Variants in CORO2B observed in about 807,000 individuals in gnomAD.
The protein encoded by CORO2B is coronin 2B.
In CORO2B, 26 loss-of-function variants were observed where a neutral mutation model predicts 58.8. That is an observed-to-expected ratio of 0.44 (90% CI 0.32 to 0.61). CORO2B has a LOEUF of 0.61. CORO2B is among the 20% of genes least tolerant of loss of function. CORO2B has a pLI of 0.04. For synonymous variants in CORO2B, 242 were observed against 253.8 expected, an observed-to-expected ratio of 0.95 and a Z score of 0.44; for missense variants, 460 against 645.1, an observed-to-expected ratio of 0.71 and a Z score of 3.11.
intron 11 of CORO2B, among the ~76,000 whole-genome samples, chr15:68,724,211 C>CAAAT (rs765619228): frequency 6.6e-6 from 1 of 152,026 alleles, no homozygotes; most frequent in African/African-American, 2.4e-5. Context: ...CAAAAACAAA[C>CAAAT]AAATAAATAA....
At chr15:68,531,558 A>AAGAAAGAAAGAGAG in the CORO2B span, among the ~76,000 whole-genome samples, 1 of 133,242 alleles carries the variant, frequency 7.5e-6, no homozygotes, top group South Asian at 2.4e-4. Flanking sequence ...GAAGGAAGGA[A>AAGAAAGAAAGAGAG]AGAAAGAGAA....
the CORO2B span, among the ~76,000 whole-genome samples, chr15:68,555,339 G>A: frequency 6.6e-6 from 1 of 152,180 alleles, no homozygotes; most frequent in Non-Finnish European, 1.5e-5. Context: ...CTCCAGTCCA[G>A]GTCTCTTCTT....
chr15:68,612,104 G>A (rs117034698), intron 1 of CORO2B, among the ~76,000 whole-genome samples: 2,607 of 152,282 alleles, frequency 0.017, 36 homozygotes, highest in South Asian at 0.033. Flanking sequence ...ATCCCTGAAC[G>A]AGAAATGTGT....
At chr15:68,687,275 G>A (rs1164680548) in intron 2 of CORO2B, among the ~76,000 whole-genome samples, 1 of 152,244 alleles carries the variant, frequency 6.6e-6, no homozygotes, top group Non-Finnish European at 1.5e-5. Context: ...CTCCTGCTCA[G>A]TCTGTTCTTT....
intron 2 of CORO2B, among the ~76,000 whole-genome samples, chr15:68,694,083 G>A (rs532281672): frequency 3.5e-4 from 53 of 152,216 alleles, no homozygotes; most frequent in African/African-American, 1.2e-3. Flanking sequence ...TGATCTGCCC[G>A]CCTTGGCCTC....
In CORO2B at chr15:68,725,915, C is replaced by T. The variant is rs566501865; in HGVS notation, c.1384C>T (p.Arg462Cys). 5.0e-5 allele frequency: 80 copies of T among 1,614,060 alleles called. No individual in the cohort carries two copies. In the East Asian group the frequency reaches 8.9e-4, roughly 18 times the overall value. Reference sequence around the variant, plus strand: ...AGAGGAGCTGGCCCAGAAGGACATCCGCATTCGGCAGCTCCAGCTGGAACT... The same window carrying T: ...AGAGGAGCTGGCCCAGAAGGACATCTGCATTCGGCAGCTCCAGCTGGAACT... Reference protein sequence around the residue: ...LKEELAQKDIRIRQLQLELKN... With the variant: ...LKEELAQKDICIRQLQLELKN... The change falls in exon 12 of 12, where the codon CGC (arginine) becomes TGC (cysteine). Residue 462 changes from arginine to cysteine, a missense_variant. Physicochemically the swap from Arg to Cys is radical, Grantham distance 180. This residue lies in a region of CORO2B where 108 missense variants were observed against 102.1 expected (regional missense o/e 1.06). Coordinates refer to ENST00000261861, the MANE Select transcript of CORO2B (RefSeq NM_006091.5).
intron 3 of CORO2B, among the ~76,000 whole-genome samples, chr15:68,709,784 A>G (rs1050444696): frequency 2.6e-5 from 4 of 152,178 alleles, no homozygotes; most frequent in Non-Finnish European, 4.4e-5. Flanking sequence ...AATAACAATT[A>G]TAATTCCTTA....
At chr15:68,607,023 C>T (rs1342053160) in intron 1 of CORO2B, among the ~76,000 whole-genome samples, 2 of 152,154 alleles carry the variant, frequency 1.3e-5, no homozygotes, top group African/African-American at 2.4e-5. Context: ...CATCTTGAGT[C>T]TCCCCTGGTT....
chr15:68,619,341 G>A (rs1180955049), intron 1 of CORO2B, among the ~76,000 whole-genome samples: 1 of 152,102 alleles, frequency 6.6e-6, no homozygotes, highest in Non-Finnish European at 1.5e-5. Flanking sequence ...ATGCATTTTA[G>A]TATGATGCCT....
At chr15:68,708,357 CTTTTTTTTTT>C (rs921103212) in intron 3 of CORO2B, among the ~76,000 whole-genome samples, 4 of 114,966 alleles carry the variant, frequency 3.5e-5, no homozygotes, top group South Asian at 2.9e-4. Flanking sequence ...TTTTTTTCTT[CTTTTTTTTTT>C]TTTTTTTTTT....
At chr15:68,582,224 C>T (rs892009671) in intron 1 of CORO2B, among the ~76,000 whole-genome samples, 10 of 152,168 alleles carry the variant, frequency 6.6e-5, no homozygotes, top group African/African-American at 2.4e-4. Context: ...CGGAGAACTT[C>T]TAGCCCTGTG....
At chr15:68,519,246 C>T in the CORO2B span, among the ~76,000 whole-genome samples, 8 of 152,080 alleles carry the variant, frequency 5.3e-5, no homozygotes, top group Non-Finnish European at 8.8e-5. Context: ...CTTCAGAAAG[C>T]GTACAAATGC....
intron 1 of CORO2B, among the ~76,000 whole-genome samples, chr15:68,610,116 T>C (rs1900213295): frequency 6.6e-6 from 1 of 152,106 alleles, no homozygotes; most frequent in Non-Finnish European, 1.5e-5. Flanking sequence ...TCTTAGGTAG[T>C]AGGCATTGAA....
chr15:68,661,659 C>T (rs978834800), intron 2 of CORO2B, among the ~76,000 whole-genome samples: 1 of 152,182 alleles, frequency 6.6e-6, no homozygotes, highest in Non-Finnish European at 1.5e-5. Flanking sequence ...TCCTCACTAA[C>T]AAGTGTTCTT....
the CORO2B span, among the ~76,000 whole-genome samples, chr15:68,545,292 A>C: frequency 6.6e-6 from 1 of 152,008 alleles, no homozygotes; most frequent in African/African-American, 2.4e-5. Context: ...TTCACTTTTT[A>C]ATTTGTATTG....
chr15:68,534,790 A>G, the CORO2B span, among the ~76,000 whole-genome samples: 1 of 152,230 alleles, frequency 6.6e-6, no homozygotes, highest in African/African-American at 2.4e-5. Flanking sequence ...ATAAAGAAAA[A>G]GAGGTTTAAA....
intron 3 of CORO2B, among the ~76,000 whole-genome samples, chr15:68,702,257 G>A (rs1485046344): frequency 1.3e-5 from 2 of 152,064 alleles, no homozygotes; most frequent in Non-Finnish European, 2.9e-5. Flanking sequence ...ACCTCTGTGG[G>A]CCTCATTTCC....
intron 1 of CORO2B, among the ~76,000 whole-genome samples, chr15:68,634,819 G>A (rs965086798): frequency 2.0e-5 from 3 of 152,316 alleles, no homozygotes; most frequent in Admixed American, 6.5e-5. Context: ...GACCACCACC[G>A]TGTTCAACCA....
At chr15:68,555,995 C>G in the CORO2B span, among the ~76,000 whole-genome samples, 16 of 152,362 alleles carry the variant, frequency 1.1e-4, no homozygotes, top group Admixed American at 8.5e-4. Context: ...CGTGGGCACA[C>G]AGAGGAGCTG....
Sources: gnomAD v4.1 joint callset for allele counts (sites outside exome capture counted in the v4.1 genomes callset) on GRCh38, gnomAD v4.1.1 for gene constraint, gnomAD v4.1.1 regional missense constraint, MANE v1.5 for transcripts, NCBI Gene and HGNC (gene_info 2026-07-23, HGNC 2026-07-21) for gene names.